ANKRD30BL: variants seen among roughly 807,000 people sequenced by gnomAD.
ANKRD30BL encodes the protein ankyrin repeat domain 30B like, also known as putative ankyrin repeat domain-containing protein 30B-like.
Under a neutral mutation model 18.4 loss-of-function variants are expected in ANKRD30BL, and 20 were observed. The ratio of observed to expected loss-of-function variants is 1.09; its 90% CI spans 0.77 to 1.58. The LOEUF (loss-of-function observed/expected upper bound fraction) is 1.58. Ranked by LOEUF, ANKRD30BL falls within the 40% of genes most tolerant of loss-of-function variation. The pLI is 0.00. For missense variants in ANKRD30BL, 224 were observed against 268.6 expected (o/e 0.83, Z 1.16); for synonymous variants, 72 against 100.9 (o/e 0.71, Z 1.72).
chr2:132,148,854 C>T (rs1281519307), intron 5 of ANKRD30BL, among the ~76,000 whole-genome samples: 2 of 151,906 alleles, frequency 1.3e-5, no homozygotes, highest in Admixed American at 6.6e-5. Flanking sequence ...ATGCTAAGTA[C>T]CTTAATAAAC....
At chr2:132,171,739 C>T (rs977772058) in intron 1 of ANKRD30BL, among the ~76,000 whole-genome samples, 6 of 152,126 alleles carry the variant, frequency 3.9e-5, no homozygotes, top group African/African-American at 1.2e-4. Context: ...ACATACTGTA[C>T]AATTTATCAC....
chr2:132,159,605 T>G (rs1173130855), intron 1 of ANKRD30BL, among the ~76,000 whole-genome samples: 1 of 152,178 alleles, frequency 6.6e-6, no homozygotes, highest in African/African-American at 2.4e-5. Context: ...TCAATTATAA[T>G]TAGCGGGTTT....
intron 3 of ANKRD30BL, chr2:132,156,607 G>A: frequency 6.4e-6 from 1 of 155,264 alleles, no homozygotes; most frequent in Non-Finnish European, 1.4e-5. Context: ...CCTTTAAGAG[G>A]AAATCCAGAT....
chr2:132,169,480 C>T (rs1688240147), intron 1 of ANKRD30BL, among the ~76,000 whole-genome samples: 1 of 152,108 alleles, frequency 6.6e-6, no homozygotes, highest in Non-Finnish European at 1.5e-5. Flanking sequence ...AACCCCATCT[C>T]TACTAAAAAT....
At chr2:132,190,591 G>A (rs2104737605) in intron 1 of ANKRD30BL, among the ~76,000 whole-genome samples, 1 of 151,964 alleles carries the variant, frequency 6.6e-6, no homozygotes, top group South Asian at 2.1e-4. Context: ...TACAAATTGT[G>A]TAATATAGGT....
At position 132,222,074 on chromosome 2, in the gene ANKRD30BL, G is replaced by A. The variant is rs1267367843; in HGVS notation, n.441+35455C>T. Among the ~76,000 whole-genome samples the A allele has an allele frequency of 6.7e-3, 894 of 134,062 alleles. 41 individuals are homozygous for A. Among genetic ancestry groups the A allele is most frequent in the African/African-American group, 0.025 (837 of 32,902 alleles). 87.9% of individuals were successfully genotyped at this position (134,062 alleles called of 152,430 possible). A position where few individuals can be genotyped will look rare whatever the true frequency, so the allele number is the denominator to read the frequency against. On this transcript the variant is annotated intron_variant and non_coding_transcript_variant, in intron 1 of 4. Transcript: ENST00000470729. ...GGGGGGTCGGCCAGCCGCCCCGTCC[G>A]GGAGGGAGGTCGGGGGGTCAGCCCC...
chr2:132,147,876 G>C lies in ANKRD30BL; in HGVS notation c.*255C>G, dbSNP rs1453104755. 4.5e-6 allele frequency: 2 copies of C among 448,466 alleles called. No homozygotes were observed. Among genetic ancestry groups the C allele is most frequent in the East Asian group, 9.1e-5 (2 of 21,894 alleles). The allele number at this position is 448,466 out of a possible 1,614,324, so 27.8% of individuals were successfully genotyped here. On this transcript the variant is annotated 3_prime_UTR_variant, in exon 6 of 6. Coordinates refer to ENST00000409867, the MANE Select transcript of ANKRD30BL (RefSeq NM_001358416.1). ...TCTAAGGATGACTAAGGACAGAGCA[G>C]GTTACTAAGAATGACTAAAGACAAA...
At chr2:132,149,054 G>A (rs1687689055) in intron 5 of ANKRD30BL, among the ~76,000 whole-genome samples, 1 of 152,190 alleles carries the variant, frequency 6.6e-6, no homozygotes, top group Non-Finnish European at 1.5e-5. Context: ...TAAAGACCCA[G>A]ACTATGTGTA....
At chr2:132,204,936 T>A (rs1679180609) in intron 1 of ANKRD30BL, among the ~76,000 whole-genome samples, 1 of 135,302 alleles carries the variant, frequency 7.4e-6, no homozygotes, top group Non-Finnish European at 1.7e-5. Context: ...AATATTGGAG[T>A]AAAAAAAAAT....
intron 4 of ANKRD30BL, chr2:132,153,380 A>G: frequency 2.7e-6 from 1 of 368,616 alleles, no homozygotes; most frequent in South Asian, 2.1e-5. Flanking sequence ...CAAATCAAGT[A>G]GACAACATTA....
upstream of ANKRD30BL, among the ~76,000 whole-genome samples, chr2:132,164,034 C>T (rs1288833249): frequency 6.6e-6 from 1 of 152,090 alleles, no homozygotes; most frequent in Non-Finnish European, 1.5e-5. Flanking sequence ...ATCATTCCGG[C>T]CTTCTCCCCT....
chr2:132,249,400 C>T (rs796499361), intron 1 of ANKRD30BL, among the ~76,000 whole-genome samples: 2 of 152,112 alleles, frequency 1.3e-5, no homozygotes, highest in Non-Finnish European at 2.9e-5. Context: ...AAAGGTTCAA[C>T]TCTGTGAAAT....
At chr2:132,193,651 G>A (rs3114162) in intron 1 of ANKRD30BL, among the ~76,000 whole-genome samples, 1 of 152,128 alleles carries the variant, frequency 6.6e-6, no homozygotes, top group East Asian at 1.9e-4. Context: ...TGCAACTGAG[G>A]CACTATGCTA....
At chr2:132,235,834 T>A (rs199601980) in intron 1 of ANKRD30BL, among the ~76,000 whole-genome samples, 11 of 151,786 alleles carry the variant, frequency 7.2e-5, no homozygotes, top group Non-Finnish European at 1.3e-4. Context: ...ATTGGAAAAA[T>A]CTACTTTAAA....
intron 1 of ANKRD30BL, among the ~76,000 whole-genome samples, chr2:132,221,213 C>A (rs865991622): frequency 1.4e-5 from 2 of 140,746 alleles, no homozygotes; most frequent in Non-Finnish European, 1.5e-5. Context: ...GCCCCCCGCC[C>A]GGCCAGCCGC....
intron 1 of ANKRD30BL, among the ~76,000 whole-genome samples, chr2:132,236,570 A>G (rs546136621): frequency 1.3e-5 from 2 of 152,318 alleles, no homozygotes; most frequent in African/African-American, 4.8e-5. Flanking sequence ...CAAAACCACA[A>G]TGAGATACCA....
intron 1 of ANKRD30BL, among the ~76,000 whole-genome samples, chr2:132,159,954 G>A (rs1157627356): frequency 6.6e-5 from 10 of 152,082 alleles, no homozygotes; most frequent in East Asian, 3.9e-4. Context: ...CAAAAAGCAG[G>A]CATTTCACTT....
At chr2:132,213,903 A>G (rs1351075826) in intron 1 of ANKRD30BL, among the ~76,000 whole-genome samples, 1 of 151,774 alleles carries the variant, frequency 6.6e-6, no homozygotes, top group African/African-American at 2.4e-5. Flanking sequence ...TCTTTTGATT[A>G]AGCAGCTTTG....
chr2:132,211,693 G>T (rs1370112347), intron 1 of ANKRD30BL, among the ~76,000 whole-genome samples: 1 of 151,808 alleles, frequency 6.6e-6, no homozygotes, highest in Non-Finnish European at 1.5e-5. Context: ...TCTGCAAGTG[G>T]ACATTTGGAG....
Sources: allele counts gnomAD v4.1 joint callset (sites outside exome capture counted in the v4.1 genomes callset), GRCh38; gene constraint gnomAD v4.1.1; transcripts MANE v1.5; gene names NCBI Gene and HGNC (gene_info 2026-07-23, HGNC 2026-07-21).